The following RARB variants were observed in gnomAD, a reference collection of about 807,000 sequenced individuals.
RARB encodes retinoic acid receptor beta.
Under a neutral mutation model 51.9 loss-of-function variants are expected in RARB, and 17 were observed. That is an observed-to-expected ratio of 0.33 (90% CI 0.22 to 0.49). RARB has a LOEUF of 0.49. Ranked by LOEUF, RARB falls within the 20% of genes least tolerant of loss-of-function variation. The pLI, the probability that RARB is intolerant of heterozygous loss-of-function variation, is 0.99. For missense variants in RARB, 369 were observed against 550.8 expected, an observed-to-expected ratio of 0.67 and a Z score of 3.30; for synonymous variants, 215 against 195.4, an observed-to-expected ratio of 1.10 and a Z score of -0.84.
At chr3:25,455,642 G>A (rs1694867940) in intron 1 of RARB, among the ~76,000 whole-genome samples, 1 of 152,162 alleles carries the variant, frequency 6.6e-6, no homozygotes, top group Non-Finnish European at 1.5e-5. Flanking sequence ...ACTCATGTGC[G>A]CAGTTCAGAG....
intron 4 of RARB, among the ~76,000 whole-genome samples, chr3:25,150,717 C>T (rs1207333181): frequency 6.6e-6 from 1 of 152,068 alleles, no homozygotes; most frequent in Non-Finnish European, 1.5e-5. Context: ...TCCAGGAGAC[C>T]AGGAAAGAAC....
chr3:25,302,141 G>A (rs564521794), intron 5 of RARB, among the ~76,000 whole-genome samples: 4 of 152,318 alleles, frequency 2.6e-5, no homozygotes, highest in African/African-American at 9.6e-5. Flanking sequence ...GTGTTAGCAA[G>A]GATGAGGAGA....
intron 2 of RARB, among the ~76,000 whole-genome samples, chr3:25,491,944 A>G (rs1696759957): frequency 1.4e-5 from 2 of 146,586 alleles, no homozygotes; most frequent in South Asian, 4.2e-4. Flanking sequence ...CTGTCTCAAA[A>G]AAAAAAAAAA....
intron 5 of RARB, among the ~76,000 whole-genome samples, chr3:25,219,272 A>G (rs911623756): frequency 1.3e-5 from 2 of 151,902 alleles, no homozygotes; most frequent in African/African-American, 4.8e-5. Flanking sequence ...GGTTAAAAAA[A>G]AAAATATGTA....
intron 2 of RARB, among the ~76,000 whole-genome samples, chr3:24,934,184 C>T (rs1402217631): frequency 1.3e-5 from 2 of 152,094 alleles, no homozygotes. Context: ...CCTAGCTAGC[C>T]AGAGGAGGGA....
chr3:24,939,192 C>T (rs542743156), intron 2 of RARB, among the ~76,000 whole-genome samples: 1 of 152,122 alleles, frequency 6.6e-6, no homozygotes. Flanking sequence ...TTGTGTTGGC[C>T]AGGCTTCTCT....
intron 5 of RARB, among the ~76,000 whole-genome samples, chr3:25,350,845 C>A (rs1430201222): frequency 6.6e-6 from 1 of 152,208 alleles, no homozygotes; most frequent in Non-Finnish European, 1.5e-5. Context: ...CTCTGTAGAG[C>A]CTGGGCTGCA....
At position 24,990,531 on chromosome 3, in the gene RARB, TATA is replaced by T. The variant is rs1272484730; in HGVS notation, c.-379-69591_-379-69589del. Among the ~76,000 whole-genome samples, 4 of 108,590 alleles carry T rather than the reference TATA, an allele frequency of 3.7e-5. 1 individual carries two copies. The highest frequency in any genetic ancestry group is 7.2e-5 in the African/African-American group (2 of 27,870). 71.2% of individuals were successfully genotyped at this position (108,590 alleles called of 152,430 possible). On this transcript the variant is annotated intron_variant, in intron 2 of 11. Coordinates refer to the RARB transcript ENST00000383772. ...TTTAATTTCATCTGAGATTATTAAA[TATA>T]ATGTGAGATATCTGATTTGTTCTTT...
chr3:25,359,168 G>T (rs907650978), intron 5 of RARB, among the ~76,000 whole-genome samples: 1 of 151,954 alleles, frequency 6.6e-6, no homozygotes, highest in African/African-American at 2.4e-5. Flanking sequence ...ACTTGTTTTT[G>T]GTCTATTCAG....
At chr3:25,192,735 C>T (rs1012436704) in intron 5 of RARB, among the ~76,000 whole-genome samples, 1 of 152,042 alleles carries the variant, frequency 6.6e-6, no homozygotes. Flanking sequence ...CACACAGACA[C>T]ACACACGACA....
chr3:24,986,761 A>C (rs1360670432), intron 2 of RARB, among the ~76,000 whole-genome samples: 1 of 152,180 alleles, frequency 6.6e-6, no homozygotes, highest in Non-Finnish European at 1.5e-5. Flanking sequence ...CTGTAATTTC[A>C]CTGGAAATCA....
At chr3:25,489,796 T>TG (rs898105075) in intron 2 of RARB, among the ~76,000 whole-genome samples, 2 of 152,212 alleles carry the variant, frequency 1.3e-5, no homozygotes, top group Non-Finnish European at 2.9e-5. Context: ...ACTCTAGGTT[T>TG]GGGGGGCCTG....
intron 3 of RARB, among the ~76,000 whole-genome samples, chr3:25,080,566 C>T (rs1178953681): frequency 6.6e-6 from 1 of 152,164 alleles, no homozygotes; most frequent in Non-Finnish European, 1.5e-5. Context: ...TCTTCATATC[C>T]TTGTCAGCAC....
At chr3:25,374,160 G>T (rs1336451603) in intron 5 of RARB, among the ~76,000 whole-genome samples, 2 of 152,100 alleles carry the variant, frequency 1.3e-5, no homozygotes, top group Non-Finnish European at 2.9e-5. Flanking sequence ...GATGTGGAAG[G>T]CAGGGACTGG....
rs7625748 is a variant in RARB at position 25,344,461 on chromosome 3, G to A, written c.179-116732G>A. On this transcript the variant is annotated intron_variant, in intron 5 of 11. Coordinates refer to the RARB transcript ENST00000383772. The stretch of plus-strand genomic sequence containing the variant: ...AAATGCATCTGCCACACTCTACTGC[G>A]GTATGCCTAATGATCATTGTGTCAG... Among the ~76,000 whole-genome samples the A allele has an allele frequency of 4.3e-3, 661 of 152,224 alleles. 3 individuals are homozygous for A. Among genetic ancestry groups the A allele is most frequent in the African/African-American group, 0.015 (609 of 41,530 alleles).
intron 2 of RARB, among the ~76,000 whole-genome samples, chr3:25,056,776 C>A (rs1698450660): frequency 6.6e-6 from 1 of 152,060 alleles, no homozygotes. Flanking sequence ...GGATAGAATT[C>A]TTTTAATTAT....
intron 5 of RARB, among the ~76,000 whole-genome samples, chr3:25,386,097 G>C (rs768528942): frequency 7.2e-5 from 11 of 152,272 alleles, no homozygotes; most frequent in Middle Eastern, 3.4e-3. Context: ...GACAGAACAC[G>C]AACAGGCAAT....
intron 5 of RARB, 63 bp from the exon 6 acceptor site, chr3:25,593,440 A>G (rs1009102302): frequency 3.4e-6 from 5 of 1,463,002 alleles, no homozygotes; most frequent in Non-Finnish European, 3.8e-6. Flanking sequence ...TCCTGCTTAC[A>G]TCTGATTGAT....
rs559577589 is a variant in RARB at position 25,152,131 on chromosome 3, C to G, written c.-280+19923C>G. 5.3e-5 allele frequency among the ~76,000 whole-genome samples: 8 copies of G among 152,248 alleles called. No homozygotes were observed. In the South Asian group the frequency reaches 1.7e-3, roughly 32 times the overall value. On this transcript the variant is annotated intron_variant, in intron 4 of 11. Coordinates refer to the RARB transcript ENST00000383772. ...ATGAATTATTCATTCCCAAGTGATTCTATAAGCCAGAACACCAGAAATCAT... is the reference window on the plus strand; with the variant it reads ...ATGAATTATTCATTCCCAAGTGATTGTATAAGCCAGAACACCAGAAATCAT...
Sources: gnomAD v4.1 joint callset for allele counts (sites outside exome capture counted in the v4.1 genomes callset) on GRCh38, gnomAD v4.1.1 for gene constraint, MANE v1.5 for transcripts, NCBI Gene and HGNC (gene_info 2026-07-23, HGNC 2026-07-21) for gene names.